Variants in AGAP1 observed in about 807,000 individuals in gnomAD.
The protein encoded by AGAP1 is arf-GAP with GTPase, ANK repeat and PH domain-containing protein 1.
In AGAP1, 29 loss-of-function variants were observed where a neutral mutation model predicts 105.3. That is an observed-to-expected ratio of 0.28 (90% CI 0.21 to 0.38). The LOEUF is 0.38. AGAP1 is among the 10% of genes least tolerant of loss of function. AGAP1 has a pLI of 1.00. For missense variants in AGAP1, 998 were observed against 1,165.1 expected, an observed-to-expected ratio of 0.86 and a Z score of 2.09; for synonymous variants, 509 against 485.9, an observed-to-expected ratio of 1.05 and a Z score of -0.63.
At chr2:235,812,441 C>A (rs1023114947) in intron 9 of AGAP1, among the ~76,000 whole-genome samples, 21 of 152,324 alleles carry the variant, frequency 1.4e-4, no homozygotes, top group African/African-American at 4.6e-4. Context: ...GGAGTTAATC[C>A]CCTCGTCCAG....
At chr2:236,043,415 T>G (rs2057616257) in intron 15 of AGAP1, among the ~76,000 whole-genome samples, 1 of 152,202 alleles carries the variant, frequency 6.6e-6, no homozygotes, top group African/African-American at 2.4e-5. Flanking sequence ...CTTTGCTACC[T>G]TTAAAAATCA....
Position 235,620,545 on chromosome 2 carries a change from G to A in AGAP1, c.164-88634G>A, listed in dbSNP as rs909593491. ...TGGGGGCCCTTGCAGCTTGGCCCTC[G>A]CATCCTTCAGCCTCACCTCCAGTGT... On this transcript the variant is annotated intron_variant, in intron 1 of 17. Coordinates refer to ENST00000304032, the MANE Select transcript of AGAP1 (RefSeq NM_001037131.3). This position sits in a 1 kb window ranked among gnomAD's most constrained non-coding sequence, Gnocchi z 4.5. Among the ~76,000 whole-genome samples the A allele has an allele frequency of 1.3e-5, 2 of 152,080 alleles. No individual in the cohort carries two copies. The highest frequency in any genetic ancestry group is 2.4e-5 in the African/African-American group (1 of 41,412).
In AGAP1 at chr2:235,750,427, G is replaced by T; in HGVS notation, c.612G>T (p.Arg204=). ...RARKLSNDLK[R]CTYYETCATY... The stretch of plus-strand genomic sequence containing the variant: ...GGAAGCTCTCCAACGACCTGAAACG[G>T]TGCACGTACTACGAGACGTGTGCTA... The change falls in exon 6 of 18, where the codon CGG becomes CGT. Residue 204 remains arginine, a synonymous_variant. Coordinates refer to ENST00000304032, the MANE Select transcript of AGAP1 (RefSeq NM_001037131.3). The surrounding 1 kb of genome is among the most constrained non-coding windows in gnomAD (Gnocchi z 5.3). 3 of 1,614,184 alleles carry T rather than the reference G, an allele frequency of 1.9e-6. No homozygotes were observed. Among genetic ancestry groups the T allele is most frequent in the Non-Finnish European group, 2.5e-6 (3 of 1,180,038 alleles).
In AGAP1 at chr2:235,919,229, C is replaced by G. The variant is rs904648079; in HGVS notation, c.1324+10323C>G. 6.6e-6 allele frequency among the ~76,000 whole-genome samples: 1 copy of G among 152,180 alleles called. No individual in the cohort carries two copies. The highest frequency in any genetic ancestry group is 1.5e-5 in the Non-Finnish European group (1 of 68,024). ...TGAGAACCGAGGCCTTGGGAAAGGG[C>G]TTCTGGTTCTTCCAGGCTAGAGTTG... On this transcript the variant is annotated intron_variant, in intron 11 of 17. Coordinates refer to ENST00000304032, the MANE Select transcript of AGAP1 (RefSeq NM_001037131.3). This position sits in a 1 kb window ranked among gnomAD's most constrained non-coding sequence, Gnocchi z 4.1.
chr2:235,565,077 C>G (rs1574857310), intron 1 of AGAP1, among the ~76,000 whole-genome samples: 4 of 142,634 alleles, frequency 2.8e-5, no homozygotes, highest in Non-Finnish European at 4.6e-5. Context: ...GCCTGGACCA[C>G]CACCCACGGT....
At chr2:235,562,206 T>A (rs977368598) in intron 1 of AGAP1, among the ~76,000 whole-genome samples, 11 of 152,324 alleles carry the variant, frequency 7.2e-5, no homozygotes, top group South Asian at 4.1e-4. Flanking sequence ...TTAAGTGTGA[T>A]TGAAACTGTA....
At chr2:235,628,641 G>A (rs1946720961) in intron 1 of AGAP1, among the ~76,000 whole-genome samples, 1 of 151,718 alleles carries the variant, frequency 6.6e-6, no homozygotes, top group East Asian at 1.9e-4. Flanking sequence ...TTTTCCATAG[G>A]TTATTGGGGA....
At chr2:235,670,987 C>A (rs1226090180) in intron 1 of AGAP1, 4 of 1,325,288 alleles carry the variant, frequency 3.0e-6, no homozygotes, top group East Asian at 3.1e-5. Context: ...GCGGCTACTT[C>A]AGCCTGCGGC....
chr2:235,807,259 A>G lies in AGAP1; in HGVS notation c.978A>G (p.Pro326=). The G allele has an allele frequency of 6.2e-7, 1 of 1,610,508 alleles. No individual in the cohort carries two copies. The highest frequency in any genetic ancestry group is 2.2e-5 in the East Asian group (1 of 44,574). ...TGCAGTCTCGGAAAGGGAGCGACCC[A>G]GACAAAGAGAAGAAAGGCCTGGAGA... ...NLFTSRKGSD[P]DKEKKGLESR... The change falls in exon 9 of 18, where the codon CCA becomes CCG. Residue 326 remains proline (P), a synonymous_variant. Transcript: ENST00000304032.
chr2:235,663,065 C>T lies in AGAP1; in HGVS notation c.164-46114C>T, dbSNP rs1948013570. 1.3e-5 allele frequency among the ~76,000 whole-genome samples: 2 copies of T among 152,172 alleles called. No individual in the cohort carries two copies. The highest frequency in any genetic ancestry group is 2.9e-5 in the Non-Finnish European group (2 of 68,028). ...GAGAGCTGGGTATGGTGGCTCACAC[C>T]TGTAATCCCAGCACTTTGGGAGGCC... is the stretch of plus-strand genomic sequence containing the variant. On this transcript the variant is annotated intron_variant, in intron 1 of 17. Coordinates refer to ENST00000304032, the MANE Select transcript of AGAP1 (RefSeq NM_001037131.3). This position sits in a 1 kb window ranked among gnomAD's most constrained non-coding sequence, Gnocchi z 5.4.
Position 235,716,890 on chromosome 2 carries a change from G to A in AGAP1, c.223-667G>A, listed in dbSNP as rs766075107. Among the ~76,000 whole-genome samples the A allele has an allele frequency of 5.9e-5, 9 of 152,186 alleles. No individual in the cohort carries two copies. Among genetic ancestry groups the A allele is most frequent in the Middle Eastern group, 6.8e-3 (2 of 294 alleles). On this transcript the variant is annotated intron_variant, in intron 2 of 17. Transcript: ENST00000304032. This position sits in a 1 kb window ranked among gnomAD's most constrained non-coding sequence, Gnocchi z 4.0. ...GCCCTCATGTCACCCTCCCTCCTGA[G>A]GGTCGCCTTCTAATCCAGCACAAAC...
intron 11 of AGAP1, among the ~76,000 whole-genome samples, chr2:235,911,973 G>A (rs2051640154): frequency 1.3e-5 from 2 of 152,222 alleles, no homozygotes; most frequent in Non-Finnish European, 2.9e-5. Flanking sequence ...TAAGGGAAGT[G>A]GCACCCTGAC....
chr2:235,734,624 T>C lies in AGAP1; in HGVS notation c.311-6339T>C, dbSNP rs1008435897. Among the ~76,000 whole-genome samples the C allele has an allele frequency of 1.3e-5, 2 of 152,162 alleles. No individual in the cohort carries two copies. The highest frequency in any genetic ancestry group is 4.8e-5 in the African/African-American group (2 of 41,448). ...TACAGACAGGTGTCTGTCTTTTTAG[T>C]TTCCTAAGCACAGTGATGATTATTG... On this transcript the variant is annotated intron_variant, in intron 3 of 17. Coordinates refer to ENST00000304032, the MANE Select transcript of AGAP1 (RefSeq NM_001037131.3). The surrounding 1 kb of genome is among the most constrained non-coding windows in gnomAD (Gnocchi z 5.3).
rs549053385 is a variant in AGAP1, at chr2:235,962,253, C to T, written c.1484-6209C>T. 6.6e-5 allele frequency among the ~76,000 whole-genome samples: 10 copies of T among 152,152 alleles called. No individual in the cohort carries two copies. Among genetic ancestry groups the T allele is most frequent in the Admixed American group, 1.3e-4 (2 of 15,270 alleles). On this transcript the variant is annotated intron_variant, in intron 12 of 17. Coordinates refer to ENST00000304032, the MANE Select transcript of AGAP1 (RefSeq NM_001037131.3). The surrounding 1 kb of genome is among the most constrained non-coding windows in gnomAD (Gnocchi z 5.3). ...AGGCCACTGAGGGGTACACTGACCA[C>T]ACAGAGGAGGCCGGTGTGCATGGCA...
chr2:235,968,692 G>C (rs564735716), intron 13 of AGAP1, 69 bp downstream of exon 13: 1 of 1,502,528 alleles, frequency 6.7e-7, no homozygotes, highest in Non-Finnish European at 9.1e-7. Flanking sequence ...TTTCAAATGC[G>C]TGAAATTAGA....
At chr2:235,693,738 G>A (rs1458079192) in intron 1 of AGAP1, among the ~76,000 whole-genome samples, 1 of 152,152 alleles carries the variant, frequency 6.6e-6, no homozygotes, top group African/African-American at 2.4e-5. Flanking sequence ...ATTCTCATAG[G>A]AGGATGTAGA....
In AGAP1 at chr2:235,664,043, G is replaced by A. The variant is rs962047211; in HGVS notation, c.164-45136G>A. ...CCTCCTGTCCCTGAGCTCGAAGGCT[G>A]AATGGTCGATGGGAGCTCCTTTGGT... On this transcript the variant is annotated intron_variant, in intron 1 of 17. Coordinates refer to ENST00000304032, the MANE Select transcript of AGAP1 (RefSeq NM_001037131.3). This position sits in a 1 kb window ranked among gnomAD's most constrained non-coding sequence, Gnocchi z 5.7. 6.6e-6 allele frequency among the ~76,000 whole-genome samples: 1 copy of A among 152,170 alleles called. No individual in the cohort carries two copies. The highest frequency in any genetic ancestry group is 2.4e-5 in the African/African-American group (1 of 41,432).
At chr2:236,041,745 G>A (rs1370942965) in intron 15 of AGAP1, among the ~76,000 whole-genome samples, 3 of 152,208 alleles carry the variant, frequency 2.0e-5, no homozygotes, top group African/African-American at 4.8e-5. Flanking sequence ...CGTGCATGGC[G>A]TGGTGGGTCC....
At chr2:235,523,557 T>C (rs555904500) in intron 1 of AGAP1, among the ~76,000 whole-genome samples, 1 of 152,256 alleles carries the variant, frequency 6.6e-6, no homozygotes, top group South Asian at 2.1e-4. Flanking sequence ...TGCTGTCCGC[T>C]AAGCTCCCTC....
Sources: gnomAD v4.1 joint callset for allele counts (sites outside exome capture counted in the v4.1 genomes callset) on GRCh38, gnomAD v4.1.1 for gene constraint, Gnocchi (gnomAD v3.1) non-coding constraint, MANE v1.5 for transcripts, NCBI Gene and HGNC (gene_info 2026-07-23, HGNC 2026-07-21) for gene names.